The following SEMA6D variants were observed in gnomAD, a reference collection of about 807,000 sequenced individuals.
SEMA6D encodes semaphorin 6D.
In SEMA6D, 35 loss-of-function variants were observed where a neutral mutation model predicts 106.6. The observed-to-expected ratio is 0.33, with a 90% CI of 0.25 to 0.44. The LOEUF is 0.44. SEMA6D is among the 20% of genes least tolerant of loss of function. SEMA6D has a pLI of 1.00. For synonymous variants in SEMA6D, 499 were observed against 487.7 expected, an observed-to-expected ratio of 1.02 and a Z score of -0.31; for missense variants, 1,185 against 1,345.9, an observed-to-expected ratio of 0.88 and a Z score of 1.87.
At chr15:47,254,672 G>C (rs980339686) in intron 1 of SEMA6D, among the ~76,000 whole-genome samples, 1 of 152,052 alleles carries the variant, frequency 6.6e-6, no homozygotes, top group Non-Finnish European at 1.5e-5. Flanking sequence ...CTATTGAAGT[G>C]ATCTTATGGT....
At chr15:47,299,295 C>T (rs2035927834) in intron 1 of SEMA6D, among the ~76,000 whole-genome samples, 1 of 152,168 alleles carries the variant, frequency 6.6e-6, no homozygotes, top group African/African-American at 2.4e-5. Context: ...TGGGACAAAA[C>T]TCAGTTTGCT....
intron 4 of SEMA6D, among the ~76,000 whole-genome samples, chr15:47,652,956 A>G (rs982618556): frequency 2.6e-5 from 4 of 152,198 alleles, no homozygotes; most frequent in Non-Finnish European, 5.9e-5. Context: ...GATTATATAA[A>G]TTTTGAAACA....
At chr15:47,280,493 A>G (rs2035061945) in intron 1 of SEMA6D, among the ~76,000 whole-genome samples, 1 of 137,732 alleles carries the variant, frequency 7.3e-6, no homozygotes, top group African/African-American at 2.7e-5. Flanking sequence ...TGGATTCATT[A>G]ATTTTTTGAA....
chr15:47,669,944 A>G (rs2145370302), intron 4 of SEMA6D, among the ~76,000 whole-genome samples: 1 of 152,236 alleles, frequency 6.6e-6, no homozygotes, highest in South Asian at 2.1e-4. Context: ...TTGTCAAACA[A>G]CTCCTGACAT....
At chr15:47,573,089 A>G (rs1288864984) in intron 3 of SEMA6D, among the ~76,000 whole-genome samples, 3 of 152,172 alleles carry the variant, frequency 2.0e-5, no homozygotes, top group African/African-American at 7.2e-5. Flanking sequence ...ACAAAGAAAT[A>G]AAAGTGTAAG....
intron 3 of SEMA6D, among the ~76,000 whole-genome samples, chr15:47,501,479 C>G (rs928163792): frequency 1.3e-5 from 2 of 152,150 alleles, no homozygotes; most frequent in Non-Finnish European, 2.9e-5. Context: ...TCTCCAGTAC[C>G]TTGTAAATGG....
chr15:47,295,490 T>C (rs1350805497), intron 1 of SEMA6D, among the ~76,000 whole-genome samples: 1 of 152,158 alleles, frequency 6.6e-6, no homozygotes, highest in Admixed American at 6.5e-5. Flanking sequence ...ACCAAACTTC[T>C]GAAAGAACTG....
chr15:47,343,041 G>A (rs1468855374), intron 1 of SEMA6D, among the ~76,000 whole-genome samples: 1 of 151,938 alleles, frequency 6.6e-6, no homozygotes. Context: ...CATCTAATAT[G>A]TTTGCTTCTT....
intron 3 of SEMA6D, among the ~76,000 whole-genome samples, chr15:47,486,070 C>G (rs7163346): frequency 1.3e-5 from 2 of 151,960 alleles, no homozygotes; most frequent in Non-Finnish European, 2.9e-5. Flanking sequence ...AGTCTGCTAA[C>G]GTCCATAGTC....
intron 4 of SEMA6D, among the ~76,000 whole-genome samples, chr15:47,627,181 TAGG>T (rs1171946653): frequency 6.6e-6 from 1 of 152,080 alleles, no homozygotes; most frequent in African/African-American, 2.4e-5. Flanking sequence ...ATGATTGAAG[TAGG>T]AGGAGTGGGA....
At chr15:47,624,702 T>C (rs2077171334) in intron 4 of SEMA6D, among the ~76,000 whole-genome samples, 1 of 152,090 alleles carries the variant, frequency 6.6e-6, no homozygotes, top group African/African-American at 2.4e-5. Context: ...TAAATGTGAG[T>C]CAGCAATGAA....
chr15:47,492,870 T>A (rs1254435419), intron 3 of SEMA6D, among the ~76,000 whole-genome samples: 1 of 152,092 alleles, frequency 6.6e-6, no homozygotes, highest in Non-Finnish European at 1.5e-5. Context: ...GTTGTCTGAG[T>A]CCCAACTTTG....
In SEMA6D at chr15:47,299,078, C is replaced by T. The variant is rs534323336; in HGVS notation, c.-238-113315C>T. On this transcript the variant is annotated intron_variant, in intron 1 of 19. Transcript: ENST00000558014. ...GAGACAAGGATGTAAGCAGAAGGTG[C>T]AGCGGGAAGGCTGGGATGGCAGATG... Among the ~76,000 whole-genome samples, 6 of 152,220 alleles carry T rather than the reference C, an allele frequency of 3.9e-5. No homozygotes were observed. The South Asian group carries it at 1.2e-3, about 32-fold the overall frequency.
chr15:47,300,553 T>C (rs1268514577), intron 1 of SEMA6D, among the ~76,000 whole-genome samples: 2 of 152,222 alleles, frequency 1.3e-5, no homozygotes, highest in African/African-American at 4.8e-5. Context: ...TTTCTACTTA[T>C]ATAGCTAGGT....
chr15:47,354,197 CTCTA>C (rs368586419), intron 1 of SEMA6D, among the ~76,000 whole-genome samples: 11,820 of 35,768 alleles, frequency 0.33, 495 homozygotes, highest in South Asian at 0.42. Flanking sequence ...CTCTCTCTCT[CTCTA>C]TATATATATA....
In SEMA6D at chr15:47,619,973, C is replaced by A. The variant is rs536345871; in HGVS notation, c.-55+19077C>A. On this transcript the variant is annotated intron_variant, in intron 4 of 19. Transcript: ENST00000558014. The stretch of plus-strand genomic sequence containing the variant: ...GATTTTTGTCTCCCTATTCACATTA[C>A]ATCTGCTGTTCAATACAGGATGTGA... 3.7e-4 allele frequency among the ~76,000 whole-genome samples: 57 copies of A among 152,252 alleles called. 1 individual carries two copies. In the Middle Eastern group the frequency reaches 0.014, roughly 36 times the overall value.
At chr15:47,656,833 G>A (rs1008034141) in intron 4 of SEMA6D, among the ~76,000 whole-genome samples, 1 of 152,310 alleles carries the variant, frequency 6.6e-6, no homozygotes, top group Admixed American at 6.5e-5. Flanking sequence ...GCACAAGAGA[G>A]GATGGTGATC....
intron 1 of SEMA6D, among the ~76,000 whole-genome samples, chr15:47,400,885 G>A (rs550879094): frequency 6.6e-6 from 1 of 152,306 alleles, no homozygotes; most frequent in Non-Finnish European, 1.5e-5. Flanking sequence ...ATATCAGGCA[G>A]GCTTTTGTCA....
intron 1 of SEMA6D, among the ~76,000 whole-genome samples, chr15:47,361,879 T>C (rs1008858102): frequency 1.3e-5 from 2 of 152,178 alleles, no homozygotes; most frequent in Non-Finnish European, 2.9e-5. Flanking sequence ...GATTTCTCTG[T>C]AAAGCTGGGG....
Sources: gnomAD v4.1 joint callset for allele counts (sites outside exome capture counted in the v4.1 genomes callset) on GRCh38, gnomAD v4.1.1 for gene constraint, MANE v1.5 for transcripts, NCBI Gene and HGNC (gene_info 2026-07-23, HGNC 2026-07-21) for gene names.